The following TMCO2 variants were observed in gnomAD, a reference collection of about 807,000 sequenced individuals.
TMCO2 encodes the protein transmembrane and coiled-coil domains 2, also known as transmembrane and coiled-coil domain-containing protein 2.
In TMCO2, 15 loss-of-function variants were observed where a neutral mutation model predicts 18.0. That is an observed-to-expected ratio of 0.84 (90% confidence interval 0.56 to 1.29). The LOEUF (loss-of-function observed/expected upper bound fraction) is 1.29, where lower values mean the gene tolerates loss of function less well. Among genes scored for constraint, TMCO2 ranks in the 50% most tolerant of loss-of-function variants. The probability of loss-of-function intolerance (pLI) is 0.00; values close to 1 mark genes in which losing one functional copy is unlikely to be tolerated. For missense variants in TMCO2, 182 were observed against 200.9 expected, an observed-to-expected ratio of 0.91 and a Z score of 0.57; for synonymous variants, 79 against 75.9, an observed-to-expected ratio of 1.04 and a Z score of -0.21.
chr1:40,247,998 C>T lies in TMCO2; in HGVS notation c.5C>T (p.Ser2Leu), dbSNP rs761791766. ...CTAGAGCTGCTGCTTATTAAAATGT[C>T]AACATCTTCATCTTCTAGCTGGGAC... M[S>L]TSSSSSWDNL... Residue 2 changes from serine to leucine, a missense_variant, in exon 1 of 2, where the codon TCA becomes TTA. Transcript: ENST00000372766. 6.2e-7 allele frequency: 1 copy of T among 1,613,370 alleles called. No homozygotes were observed. Among genetic ancestry groups the T allele is most frequent in the Admixed American group, 1.7e-5 (1 of 60,008 alleles).
rs1465686745 is a variant in TMCO2, at chr1:40,251,632, T to A, written c.*38T>A. 1 of 1,579,752 alleles carries A rather than the reference T, an allele frequency of 6.3e-7. No individual in the cohort carries two copies. The highest frequency in any genetic ancestry group is 8.6e-7 in the Non-Finnish European group (1 of 1,166,860). On this transcript the variant is annotated 3_prime_UTR_variant, in exon 2 of 2. Coordinates refer to ENST00000372766, the MANE Select transcript of TMCO2 (RefSeq NM_001008740.4). ...TCCAATCTTTTCCAGGAAAGCACTG[T>A]TTCCCTCATGTGTGCAGTGGTGTAT...
intron 1 of TMCO2, 48 bp from the exon 2 acceptor site, chr1:40,251,235 A>G (rs145950959): frequency 9.9e-6 from 15 of 1,509,922 alleles, no homozygotes; most frequent in Non-Finnish European, 1.4e-5. Context: ...TCTCTTATAG[A>G]TAGTAAACTG....
chr1:40,248,263 T>C (rs749213168), intron 1 of TMCO2, 33 bp downstream of exon 1: 3 of 1,528,532 alleles, frequency 2.0e-6, no homozygotes, highest in Admixed American at 1.7e-5. Context: ...ATTTATATAG[T>C]TATAAATTGA....
chr1:40,247,960 G>A lies in TMCO2; in HGVS notation c.-34G>A, dbSNP rs772119798. 17 of 1,544,608 alleles carry A rather than the reference G, an allele frequency of 1.1e-5. No homozygotes were observed. In the African/African-American group the frequency reaches 1.9e-4, roughly 17 times the overall value. On this transcript the variant is annotated 5_prime_UTR_variant, in exon 1 of 2. Transcript: ENST00000372766. ...TCATATTTAGATTCCTGAAGCTTCT[G>A]CACATGTAGTTCCTAGAGCTGCTGC...
intron 1 of TMCO2, among the ~76,000 whole-genome samples, chr1:40,250,098 G>T (rs973083088): frequency 2.6e-5 from 4 of 151,712 alleles, no homozygotes; most frequent in Non-Finnish European, 5.9e-5. Context: ...CTGATCTCAG[G>T]TGATCCTCCT....
At chr1:40,249,645 A>G (rs1330380197) in intron 1 of TMCO2, among the ~76,000 whole-genome samples, 1 of 151,920 alleles carries the variant, frequency 6.6e-6, no homozygotes, top group Non-Finnish European at 1.5e-5. Flanking sequence ...CCTAGCAAGA[A>G]TCTGTCCTAC....
At chr1:40,250,171 A>C (rs777190966) in intron 1 of TMCO2, among the ~76,000 whole-genome samples, 1 of 150,418 alleles carries the variant, frequency 6.6e-6, no homozygotes, top group Non-Finnish European at 1.5e-5. Flanking sequence ...TAATTTTAAA[A>C]ATTTTTTTGT....
chr1:40,251,273 T>C lies in TMCO2; in HGVS notation c.238-10T>C. 6.2e-7 allele frequency: 1 copy of C among 1,604,038 alleles called. No individual in the cohort carries two copies. Among genetic ancestry groups the C allele is most frequent in the Non-Finnish European group, 8.5e-7 (1 of 1,177,388 alleles). On this transcript the variant is annotated splice_polypyrimidine_tract_variant and intron_variant, in intron 1 of 1. Coordinates refer to ENST00000372766, the MANE Select transcript of TMCO2 (RefSeq NM_001008740.4). ...GCAACTAACACTCAACTTCTGTTGT[T>C]CCATTTTAGAAAACATTGTTGTTTG...
In TMCO2 at chr1:40,248,123, T is replaced by C. The variant is rs1643353003; in HGVS notation, c.130T>C (p.Leu44=). The C allele has an allele frequency of 6.2e-7, 1 of 1,614,134 alleles. No homozygotes were observed. Among genetic ancestry groups the C allele is most frequent in the Admixed American group, 1.7e-5 (1 of 60,000 alleles). ...ACCTCAGCAAACAAGTTTGGGACTA[T>C]TAGATAATCTTGCTCCAGCTGTGCA... ...SAPQQTSLGL[L]DNLAPAVQII... Residue 44 remains leucine, a synonymous_variant, in exon 1 of 2, where the codon TTA becomes CTA. Coordinates refer to ENST00000372766, the MANE Select transcript of TMCO2 (RefSeq NM_001008740.4).
chr1:40,251,524 C>G lies in TMCO2; in HGVS notation c.479C>G (p.Ser160Cys). The change falls in exon 2 of 2, where the codon TCT becomes TGT. Residue 160 changes from serine to cysteine, a missense_variant. Ser to Cys is a moderately radical substitution (Grantham distance 112). Coordinates refer to ENST00000372766, the MANE Select transcript of TMCO2 (RefSeq NM_001008740.4). The part of the protein sequence containing the change: ...QKPATKRDCS[S>C]EPYCSCSDCQ... ...CCTGCCACGAAGAGGGATTGCTCCT[C>G]TGAGCCCTACTGCAGCTGCTCTGAC... The G allele has an allele frequency of 1.2e-6, 2 of 1,613,960 alleles. No homozygotes were observed. Among genetic ancestry groups the G allele is most frequent in the Non-Finnish European group, 8.5e-7 (1 of 1,180,004 alleles).
intron 1 of TMCO2, 88 bp from the exon 2 acceptor site, chr1:40,251,195 A>C: frequency 8.9e-7 from 1 of 1,119,764 alleles, no homozygotes; most frequent in South Asian, 1.4e-5. Context: ...ATGAGGAATT[A>C]TTGTTACTAT....
At chr1:40,249,329 T>G (rs1365425440) in intron 1 of TMCO2, among the ~76,000 whole-genome samples, 1 of 150,354 alleles carries the variant, frequency 6.7e-6, no homozygotes, top group Non-Finnish European at 1.5e-5. Context: ...ATATGTGTAT[T>G]GTGAGGATTA....
intron 1 of TMCO2, among the ~76,000 whole-genome samples, chr1:40,250,315 T>TAA (rs530056123): frequency 0.012 from 1,724 of 142,418 alleles, 28 homozygotes; most frequent in African/African-American, 0.044. Context: ...TTTATATAAA[T>TAA]AAAATATATA....
At chr1:40,250,986 A>C (rs1251406574) in intron 1 of TMCO2, among the ~76,000 whole-genome samples, 1 of 151,868 alleles carries the variant, frequency 6.6e-6, no homozygotes, top group Non-Finnish European at 1.5e-5. Context: ...AAATACAAAA[A>C]ATTAGCCGGG....
chr1:40,250,856 G>A (rs774555381), intron 1 of TMCO2, among the ~76,000 whole-genome samples: 18 of 152,174 alleles, frequency 1.2e-4, no homozygotes, highest in Admixed American at 1.0e-3. Context: ...ATTTTGCTAA[G>A]GCCGGGCATG....
intron 1 of TMCO2, among the ~76,000 whole-genome samples, chr1:40,248,675 G>T (rs1183530388): frequency 2.6e-5 from 4 of 152,182 alleles, no homozygotes; most frequent in African/African-American, 9.6e-5. Context: ...GACAAGATAA[G>T]GCTCCATAAG....
At position 40,248,008 on chromosome 1, in the gene TMCO2, ATCT is replaced by A; in HGVS notation, c.19_21del (p.Ser8del). 6.2e-7 allele frequency: 1 copy of A among 1,614,024 alleles called. No homozygotes were observed. Among genetic ancestry groups the A allele is most frequent in the Non-Finnish European group, 8.5e-7 (1 of 1,179,926 alleles). On this transcript the variant is annotated inframe_deletion, in exon 1 of 2. Transcript: ENST00000372766. ...TGCTTATTAAAATGTCAACATCTTC[ATCT>A]TCTAGCTGGGACAACCTCTTAGAGT...
chr1:40,248,689 A>G (rs1013697483), intron 1 of TMCO2, among the ~76,000 whole-genome samples: 1 of 152,224 alleles, frequency 6.6e-6, no homozygotes, highest in Non-Finnish European at 1.5e-5. Flanking sequence ...CCATAAGTAT[A>G]TAGGAGCTCT....
chr1:40,250,107 C>T (rs1005004777), intron 1 of TMCO2, among the ~76,000 whole-genome samples: 3 of 151,814 alleles, frequency 2.0e-5, no homozygotes, highest in Admixed American at 2.0e-4. Flanking sequence ...GGTGATCCTC[C>T]TGCCTCAGCC....
Sources: allele counts gnomAD v4.1 joint callset (sites outside exome capture counted in the v4.1 genomes callset), GRCh38; gene constraint gnomAD v4.1.1; transcripts MANE v1.5; gene names NCBI Gene and HGNC (gene_info 2026-07-23, HGNC 2026-07-21).